PLCXD1: variants seen among roughly 807,000 people sequenced by gnomAD.
The protein encoded by PLCXD1 is PI-PLC X domain-containing protein 1.
PLCXD1 carries 45 observed loss-of-function variants against 37.8 expected under a neutral mutation model. The ratio of observed to expected loss-of-function variants is 1.19; its 90% CI spans 0.94 to 1.53. The LOEUF (loss-of-function observed/expected upper bound fraction) is 1.53. Among genes scored for constraint, PLCXD1 ranks in the 40% most tolerant of loss-of-function variants. The pLI is 0.00. For missense variants in PLCXD1, 539 were observed against 454.7 expected (o/e 1.19, Z -1.69); for synonymous variants, 246 against 206.9 (o/e 1.19, Z -1.62).
At chrX:282,926 C>CATGT (rs918541611) in intron 1 of PLCXD1, among the ~76,000 whole-genome samples, 40 of 128,002 alleles carry the variant, frequency 3.1e-4, no homozygotes, top group African/African-American at 1.0e-3. Context: ...ATATGTTATA[C>CATGT]ATGTATGTTA....
intron 3 of PLCXD1, among the ~76,000 whole-genome samples, chrX:289,593 G>C (rs1318894886): frequency 6.8e-6 from 1 of 147,356 alleles, no homozygotes; most frequent in Non-Finnish European, 1.5e-5. Context: ...CTCACTGCAA[G>C]CTCCGCCTCC....
chrX:288,766 A>G lies in PLCXD1; in HGVS notation c.161A>G (p.Lys54Arg). 1 of 1,613,914 alleles carries G rather than the reference A, an allele frequency of 6.2e-7. No individual in the cohort carries two copies. The highest frequency in any genetic ancestry group is 8.5e-7 in the Non-Finnish European group (1 of 1,179,792). The change falls in exon 3 of 7, where the codon AAG (lysine) becomes AGG (arginine). Residue 54 changes from lysine (K) to arginine (R), a missense_variant. Physicochemically the swap from Lys to Arg is conservative, Grantham distance 26. Coordinates refer to ENST00000381657, the MANE Select transcript of PLCXD1 (RefSeq NM_018390.4). ...SHDTMTYCLN[K>R]KSPISHEESR... is the part of the protein sequence containing the mutation. ...GACACGATGACGTACTGCCTGAACA[A>G]GAAGTCCCCCATTTCGCACGAGGAG...
intron 6 of PLCXD1, among the ~76,000 whole-genome samples, chrX:293,798 A>G (rs2069714911): frequency 1.3e-5 from 2 of 152,140 alleles, no homozygotes. Flanking sequence ...GTGTGAATCC[A>G]TTTACAGGAA....
intron 2 of PLCXD1, among the ~76,000 whole-genome samples, chrX:287,827 G>T (rs369665262): frequency 3.3e-5 from 5 of 151,616 alleles, no homozygotes; most frequent in African/African-American, 9.7e-5. Context: ...GCAAACGTCA[G>T]CCATCAGTCA....
chrX:276,831 G>T (rs2069166556), upstream of PLCXD1, among the ~76,000 whole-genome samples: 1 of 152,144 alleles, frequency 6.6e-6, no homozygotes, highest in Non-Finnish European at 1.5e-5. Context: ...GAGCACCCCT[G>T]TCCTTCCGTT....
intron 1 of PLCXD1, among the ~76,000 whole-genome samples, chrX:282,954 TATTA>T (rs1018474503): frequency 7.6e-5 from 11 of 145,278 alleles, no homozygotes; most frequent in African/African-American, 2.3e-4. Context: ...ATTATATATA[TATTA>T]TATATGTATA....
At chrX:280,037 T>TG (rs1274858390), upstream of PLCXD1, among the ~76,000 whole-genome samples, 1 of 152,120 alleles carries the variant, frequency 6.6e-6, no homozygotes, top group Non-Finnish European at 1.5e-5. Flanking sequence ...TTACCAGTGA[T>TG]GGGGTTTTGC....
intron 2 of PLCXD1, among the ~76,000 whole-genome samples, 160 bp downstream of exon 2, chrX:284,474 TAC>T (rs1038440978): frequency 4.0e-5 from 6 of 149,732 alleles, no homozygotes; most frequent in East Asian, 1.9e-4. Flanking sequence ...GACACACACA[TAC>T]ACACAGTGCA....
chrX:288,589 G>A, intron 2 of PLCXD1, 144 bp from the exon 3 acceptor site: 1 of 838,258 alleles, frequency 1.2e-6, no homozygotes. Context: ...AGTTTTGGGG[G>A]TCAGCGTGCA....
intron 6 of PLCXD1, among the ~76,000 whole-genome samples, chrX:296,881 C>G (rs753517532): frequency 1.3e-5 from 1 of 75,778 alleles, no homozygotes. Context: ...TATTCTGTCT[C>G]CCACATGGGG....
chrX:291,215 AG>A (rs922443015), intron 4 of PLCXD1, among the ~76,000 whole-genome samples: 12 of 149,608 alleles, frequency 8.0e-5, no homozygotes, highest in African/African-American at 3.0e-4. Context: ...GTGCAATCTC[AG>A]CTCACTGCAA....
At chrX:290,266 A>C (rs770531246) in intron 3 of PLCXD1, among the ~76,000 whole-genome samples, 7 of 152,086 alleles carry the variant, frequency 4.6e-5, no homozygotes, top group African/African-American at 1.4e-4. Flanking sequence ...TCTCTACTAA[A>C]AATACAAAAC....
chrX:279,847 A>G (rs1037482253), upstream of PLCXD1, among the ~76,000 whole-genome samples: 4 of 151,740 alleles, frequency 2.6e-5, no homozygotes, highest in Admixed American at 2.0e-4. Flanking sequence ...GAGGATGTGG[A>G]GACGAAGGTT....
At chrX:290,609 G>C in intron 3 of PLCXD1, 39 bp from the exon 4 acceptor site, 1 of 1,610,502 alleles carries the variant, frequency 6.2e-7, no homozygotes, top group Non-Finnish European at 8.5e-7. Context: ...CAGACGCGGC[G>C]CTCAGCCAGG....
intron 2 of PLCXD1, among the ~76,000 whole-genome samples, chrX:286,063 A>G (rs1312131732): frequency 6.8e-6 from 1 of 147,452 alleles, no homozygotes; most frequent in Non-Finnish European, 1.5e-5. Context: ...TGACATCCTG[A>G]GGTTAATTTT....
chrX:295,890 G>C (rs1467672747), intron 6 of PLCXD1, among the ~76,000 whole-genome samples: 2 of 151,948 alleles, frequency 1.3e-5, no homozygotes, highest in Non-Finnish European at 2.9e-5. Context: ...GCCCAGGCTA[G>C]AGTGCAATGG....
rs149665037 is a variant in PLCXD1 at position 296,040 on chromosome X, G to A, written c.733+2822G>A. Among the ~76,000 whole-genome samples the A allele has an allele frequency of 8.8e-3, 1,339 of 152,002 alleles. 13 individuals carry two copies. The highest frequency in any genetic ancestry group is 0.03 in the African/African-American group (1,263 of 41,448). On this transcript the variant is annotated intron_variant, in intron 6 of 6. Coordinates refer to ENST00000381657, the MANE Select transcript of PLCXD1 (RefSeq NM_018390.4). Reference sequence around the variant, plus strand: ...TTGATCAGGCTGGTCTCGAACTCCCGACCTCAGGTGATCTGCCCGCCTTGG... The same window carrying A: ...TTGATCAGGCTGGTCTCGAACTCCCAACCTCAGGTGATCTGCCCGCCTTGG...
Position 291,509 on chromosome X carries a change from C to T in PLCXD1, c.404C>T (p.Thr135Met), listed in dbSNP as rs150048492. ...YTTALVEDTL[T>M]EISEWLERHP... is the part of the protein sequence containing the mutation. ...CACCCCCCTCCCCAGGACACACTCACGGAAATCTCGGAGTGGCTGGAGCGG... is the reference window on the plus strand; with the variant it reads ...CACCCCCCTCCCCAGGACACACTCATGGAAATCTCGGAGTGGCTGGAGCGG... Residue 135 changes from threonine to methionine, a missense_variant, in exon 5 of 7, where the codon ACG becomes ATG. Thr to Met is a moderately conservative substitution (Grantham distance 81). Coordinates refer to ENST00000381657, the MANE Select transcript of PLCXD1 (RefSeq NM_018390.4). 7.7e-5 allele frequency: 124 copies of T among 1,612,510 alleles called. No individual in the cohort carries two copies. The highest frequency in any genetic ancestry group is 6.7e-4 in the African/African-American group (50 of 74,870).
intron 2 of PLCXD1, among the ~76,000 whole-genome samples, chrX:285,639 G>A (rs1259106375): frequency 8.6e-5 from 13 of 151,136 alleles, no homozygotes; most frequent in East Asian, 1.9e-4. Context: ...ACATGCACAC[G>A]CGTGTACACA....
Sources: gnomAD v4.1 joint callset for allele counts (sites outside exome capture counted in the v4.1 genomes callset) on GRCh38, gnomAD v4.1.1 for gene constraint, MANE v1.5 for transcripts, NCBI Gene and HGNC (gene_info 2026-07-23, HGNC 2026-07-21) for gene names.